Variants in ATP11A observed in about 807,000 individuals in gnomAD.
ATP11A encodes phospholipid-transporting ATPase IH.
A neutral mutation model predicts 154.4 loss-of-function variants in ATP11A; 81 were observed. The ratio of observed to expected loss-of-function variants is 0.52; its 90% CI spans 0.44 to 0.63. The LOEUF (loss-of-function observed/expected upper bound fraction) is 0.63. Ranked by LOEUF, ATP11A falls within the 30% of genes least tolerant of loss-of-function variation. The pLI is 0.00. For synonymous variants in ATP11A, 623 were observed against 585.9 expected, an observed-to-expected ratio of 1.06 and a Z score of -0.91; for missense variants, 1,316 against 1,474.3, an observed-to-expected ratio of 0.89 and a Z score of 1.76.
intron 1 of ATP11A, among the ~76,000 whole-genome samples, chr13:112,700,582 G>A (rs1004790415): frequency 6.6e-6 from 1 of 152,210 alleles, no homozygotes; most frequent in African/African-American, 2.4e-5. Context: ...TGTTCTCCCC[G>A]GCGTGGTCTG....
intron 1 of ATP11A, among the ~76,000 whole-genome samples, chr13:112,756,595 G>C (rs1009727764): frequency 6.6e-6 from 1 of 152,240 alleles, no homozygotes; most frequent in Non-Finnish European, 1.5e-5. Context: ...CAGCAGACAC[G>C]ATTTCAGACC....
At chr13:112,704,076 A>G (rs1464864438) in intron 1 of ATP11A, among the ~76,000 whole-genome samples, 2 of 152,190 alleles carry the variant, frequency 1.3e-5, no homozygotes, top group Admixed American at 1.3e-4. Context: ...GAACAATGGG[A>G]TACGCTGGTC....
At chr13:112,733,937 C>T (rs920895383) in intron 1 of ATP11A, among the ~76,000 whole-genome samples, 2 of 152,096 alleles carry the variant, frequency 1.3e-5, no homozygotes, top group Admixed American at 1.3e-4. Context: ...CTTTTCTTTC[C>T]AATCTTAAAT....
intron 2 of ATP11A, among the ~76,000 whole-genome samples, chr13:112,791,434 C>CTG (rs2077853965): frequency 6.6e-6 from 1 of 152,244 alleles, no homozygotes; most frequent in South Asian, 2.1e-4. Flanking sequence ...GATGAGGGTG[C>CTG]TGTGTGGGGT....
At chr13:112,857,791 TA>T (rs766847560) in intron 20 of ATP11A, 26 bp from the exon 21 acceptor site, 1 of 1,570,934 alleles carries the variant, frequency 6.4e-7, no homozygotes, top group Middle Eastern at 1.7e-4. Context: ...ACAGAGAAGA[TA>T]AATTCCGCAT....
At chr13:112,800,765 G>A (rs1218559855) in intron 2 of ATP11A, among the ~76,000 whole-genome samples, 1 of 152,074 alleles carries the variant, frequency 6.6e-6, no homozygotes, top group Non-Finnish European at 1.5e-5. Context: ...ATATTAGCAA[G>A]TCCAATTCAA....
chr13:112,841,297 G>T (rs566617451), intron 16 of ATP11A, among the ~76,000 whole-genome samples: 1 of 136,542 alleles, frequency 7.3e-6, no homozygotes, highest in Non-Finnish European at 1.6e-5. Context: ...CAAACCAGCC[G>T]CCTGGCAGAG....
chr13:112,800,844 A>G (rs1057267820), intron 2 of ATP11A, among the ~76,000 whole-genome samples: 5 of 152,212 alleles, frequency 3.3e-5, no homozygotes, highest in African/African-American at 1.2e-4. Context: ...CTGATCCAAC[A>G]TTTGAAAATC....
rs1257112181 is a variant in ATP11A at position 112,807,285 on chromosome 13, G to T, written c.333+992G>T. Among the ~76,000 whole-genome samples the T allele has an allele frequency of 1.3e-5, 2 of 152,234 alleles. No homozygotes were observed. The highest frequency in any genetic ancestry group is 4.8e-5 in the African/African-American group (2 of 41,462). On this transcript the variant is annotated intron_variant, in intron 4 of 29. Transcript: ENST00000375645. This position sits in a 1 kb window ranked among gnomAD's most constrained non-coding sequence, Gnocchi z 4.5. ...CAGATGATAAACATGCAGCTGTGCA[G>T]TCAGTACATGGGGCCTGTGTGTCTT...
intron 1 of ATP11A, among the ~76,000 whole-genome samples, chr13:112,723,966 A>C (rs1889511554): frequency 6.6e-6 from 1 of 152,080 alleles, no homozygotes; most frequent in Non-Finnish European, 1.5e-5. Context: ...CACTTAATGT[A>C]CATACAAGCC....
intron 1 of ATP11A, among the ~76,000 whole-genome samples, chr13:112,721,734 C>T (rs550974998): frequency 3.0e-4 from 46 of 152,334 alleles, no homozygotes; most frequent in Non-Finnish European, 3.4e-4. Flanking sequence ...GTCTCCTGCC[C>T]GCCTCTTCTG....
chr13:112,860,458 C>G lies in ATP11A; in HGVS notation c.2855+44C>G, dbSNP rs757729254. 4.4e-6 allele frequency: 7 copies of G among 1,608,044 alleles called. 1 individual carries two copies. The South Asian group carries it at 7.7e-5, about 18-fold the overall frequency. On this transcript the variant is annotated intron_variant, in intron 24 of 29. Transcript: ENST00000375645. Reference sequence around the variant, plus strand: ...CCTCTCCTGAGAGCAGAGAGAGTAACTAGGCAGCACTCTGGCAGTTCCTTC... The same window carrying G: ...CCTCTCCTGAGAGCAGAGAGAGTAAGTAGGCAGCACTCTGGCAGTTCCTTC...
At chr13:112,704,640 C>T (rs2139519094) in intron 1 of ATP11A, among the ~76,000 whole-genome samples, 1 of 152,332 alleles carries the variant, frequency 6.6e-6, no homozygotes, top group Non-Finnish European at 1.5e-5. Context: ...CTGAGATGGG[C>T]TGGGGGTGTC....
At chr13:112,698,577 G>T (rs1194925445) in intron 1 of ATP11A, among the ~76,000 whole-genome samples, 1 of 152,146 alleles carries the variant, frequency 6.6e-6, no homozygotes, top group Non-Finnish European at 1.5e-5. Context: ...CAGGGATGCT[G>T]GGACATCAGG....
chr13:112,747,957 A>G (rs762057298), intron 1 of ATP11A, among the ~76,000 whole-genome samples: 10 of 152,260 alleles, frequency 6.6e-5, no homozygotes, highest in Non-Finnish European at 1.3e-4. Flanking sequence ...CAAATCCAAA[A>G]TGCCCAAAAA....
At chr13:112,881,638 TTC>T in intron 29 of ATP11A, 1 of 1,193,392 alleles carries the variant, frequency 8.4e-7, no homozygotes, top group Middle Eastern at 3.7e-4. Context: ...TCCATATGGC[TTC>T]TCTGGTGGGG....
At chr13:112,834,945 G>A (rs2079191767) in intron 15 of ATP11A, among the ~76,000 whole-genome samples, 1 of 152,172 alleles carries the variant, frequency 6.6e-6, no homozygotes, top group South Asian at 2.1e-4. Flanking sequence ...AATATGTTTT[G>A]GGTTAAGCCA....
intron 13 of ATP11A, among the ~76,000 whole-genome samples, chr13:112,832,529 C>T (rs1027899256): frequency 3.9e-5 from 6 of 152,214 alleles, no homozygotes; most frequent in Non-Finnish European, 8.8e-5. Context: ...GTTCGTGGCA[C>T]CGTGTGACTC....
intron 8 of ATP11A, among the ~76,000 whole-genome samples, chr13:112,822,985 C>T (rs753166566): frequency 2.5e-4 from 38 of 152,056 alleles, no homozygotes; most frequent in Admixed American, 8.5e-4. Context: ...GTGCTGCTGA[C>T]GGCACTGGTG....
Sources: gnomAD v4.1 joint callset for allele counts (sites outside exome capture counted in the v4.1 genomes callset) on GRCh38, gnomAD v4.1.1 for gene constraint, Gnocchi (gnomAD v3.1) non-coding constraint, MANE v1.5 for transcripts, NCBI Gene and HGNC (gene_info 2026-07-23, HGNC 2026-07-21) for gene names.